The following SHC3 variants were observed in gnomAD, a reference collection of about 807,000 sequenced individuals.
SHC3 encodes SHC adaptor protein 3, also known as SHC-transforming protein 3.
A neutral mutation model predicts 60.4 loss-of-function variants in SHC3; 15 were observed. The ratio of observed to expected loss-of-function variants is 0.25; its 90% confidence interval spans 0.17 to 0.38. The LOEUF (loss-of-function observed/expected upper bound fraction) is 0.38, where lower values mean the gene tolerates loss of function less well. Among genes scored for constraint, SHC3 ranks in the 10% least tolerant of loss-of-function variants. The pLI is 1.00. For synonymous variants in SHC3, 294 were observed against 325.9 expected, an observed-to-expected ratio of 0.90 and a Z score of 1.05; for missense variants, 677 against 786.1, an observed-to-expected ratio of 0.86 and a Z score of 1.66.
chr9:89,081,209 G>A (rs957853238), intron 2 of SHC3, among the ~76,000 whole-genome samples: 3 of 152,156 alleles, frequency 2.0e-5, no homozygotes, highest in Non-Finnish European at 4.4e-5. Context: ...CAAAGTAATT[G>A]TCTTAATAAA....
rs1362699818 is a variant in SHC3, at chr9:89,010,627, T to A, written c.*2820A>T. On this transcript the variant is annotated 3_prime_UTR_variant, in exon 12 of 12. Transcript: ENST00000375835. ...CCAGGTGCACTCTGCAGGACCAGGG[T>A]GGCCCAGCACAGCAGCAGCGACTGT... 6.6e-6 allele frequency: 1 copy of A among 152,422 alleles called. No homozygotes were observed. Among genetic ancestry groups the A allele is most frequent in the East Asian group, 1.9e-4 (1 of 5,206 alleles). 9.4% of individuals were successfully genotyped at this position (152,422 alleles called of 1,614,324 possible). A position where few individuals can be genotyped will look rare whatever the true frequency, so the allele number is the denominator to read the frequency against.
At chr9:89,118,302 A>T (rs1826045702) in intron 1 of SHC3, among the ~76,000 whole-genome samples, 1 of 151,492 alleles carries the variant, frequency 6.6e-6, no homozygotes, top group Non-Finnish European at 1.5e-5. Flanking sequence ...GGCTCCAGAG[A>T]TACACAAAAC....
Position 89,178,147 on chromosome 9 carries a change from A to C in SHC3, c.314T>G (p.Leu105Arg). 8.3e-7 allele frequency: 1 copy of C among 1,202,502 alleles called. No homozygotes were observed. The highest frequency in any genetic ancestry group is 1.0e-6 in the Non-Finnish European group (1 of 969,810). The allele number at this position is 1,202,502 out of a possible 1,614,324, so 74.5% of individuals were successfully genotyped here. The change falls in exon 1 of 12, where the codon CTG becomes CGG. Residue 105 changes from leucine to arginine, a missense_variant. Transcript: ENST00000375835. The surrounding 1 kb of genome is among the most constrained non-coding windows in gnomAD (Gnocchi z 6.9). ...GGGCGCACTGCCGTCCGGGGCGGCC[A>C]GGCTGGGCGCGCTGCAGCTGCCCGA... ...RLSGSCSAPSLAAPDGSAPSA... is the reference protein window; with the variant it reads ...RLSGSCSAPSRAAPDGSAPSA...
At chr9:89,163,905 C>A (rs762951179) in intron 1 of SHC3, among the ~76,000 whole-genome samples, 1 of 151,784 alleles carries the variant, frequency 6.6e-6, no homozygotes, top group East Asian at 1.9e-4. Context: ...CTTCTTGCTG[C>A]ATTCTTACAT....
At chr9:89,145,244 C>A (rs1826451951) in intron 1 of SHC3, among the ~76,000 whole-genome samples, 1 of 152,196 alleles carries the variant, frequency 6.6e-6, no homozygotes. Context: ...TTCACAAACA[C>A]CATGCATACA....
At chr9:89,111,522 A>C (rs553706644) in intron 2 of SHC3, among the ~76,000 whole-genome samples, 214 of 152,180 alleles carry the variant, frequency 1.4e-3, no homozygotes, top group Middle Eastern at 0.01. Context: ...TCCTTCCTTC[A>C]GGTAGATTAC....
chr9:89,013,619 GC>G, intron 11 of SHC3, 44 bp from the exon 12 acceptor site: 2 of 1,584,652 alleles, frequency 1.3e-6, no homozygotes, highest in Non-Finnish European at 1.7e-6. Flanking sequence ...CTCACAGGCA[GC>G]AAAAAGAGAA....
At chr9:89,168,412 C>T (rs1171275396) in intron 1 of SHC3, among the ~76,000 whole-genome samples, 1 of 151,846 alleles carries the variant, frequency 6.6e-6, no homozygotes, top group Admixed American at 6.6e-5. Flanking sequence ...TGCTGTGAGC[C>T]GAGATTGCAC....
intron 1 of SHC3, among the ~76,000 whole-genome samples, chr9:89,150,555 C>T (rs1826531705): frequency 6.6e-6 from 1 of 152,180 alleles, no homozygotes; most frequent in Non-Finnish European, 1.5e-5. Context: ...CTTTTTATGG[C>T]TGAATACTAT....
intron 11 of SHC3, among the ~76,000 whole-genome samples, chr9:89,035,267 C>T (rs1824552669): frequency 6.6e-6 from 1 of 152,172 alleles, no homozygotes; most frequent in Non-Finnish European, 1.5e-5. Context: ...ACAAAAATGT[C>T]TGTTCTTCTT....
rs140703636 is a variant in SHC3 at position 89,038,938 on chromosome 9, C to G, written c.1361-650G>C. ...GCCTGAGACCATACTTGGTTTCATC[C>G]CCTTCAGAGCACACTTCTCAGTGCA... On this transcript the variant is annotated intron_variant, in intron 10 of 11. Transcript: ENST00000375835. 6.6e-4 allele frequency among the ~76,000 whole-genome samples: 100 copies of G among 152,312 alleles called. 1 individual carries two copies. In the East Asian group the frequency reaches 0.017, roughly 26 times the overall value.
At chr9:89,061,935 T>C (rs1651374870) in intron 6 of SHC3, among the ~76,000 whole-genome samples, 2 of 152,164 alleles carry the variant, frequency 1.3e-5, no homozygotes, top group Admixed American at 1.3e-4. Flanking sequence ...AGGCATCCAC[T>C]GGGGGACTTG....
chr9:89,134,272 G>C (rs1007194009), intron 1 of SHC3, among the ~76,000 whole-genome samples: 1 of 152,116 alleles, frequency 6.6e-6, no homozygotes, highest in Non-Finnish European at 1.5e-5. Flanking sequence ...TTCTTTTAAA[G>C]TGAGATAGAA....
At position 89,106,578 on chromosome 9, in the gene SHC3, C is replaced by T. The variant is rs571927084; in HGVS notation, c.545+5978G>A. Reference sequence around the variant, plus strand: ...GTCGGTGAGCAGACATCCTAGCTTCCCCAGTTCCTACGCACTTCCCCAAAG... The same window carrying T: ...GTCGGTGAGCAGACATCCTAGCTTCTCCAGTTCCTACGCACTTCCCCAAAG... On this transcript the variant is annotated intron_variant, in intron 2 of 11. Transcript: ENST00000375835. Among the ~76,000 whole-genome samples, 10 of 152,204 alleles carry T rather than the reference C, an allele frequency of 6.6e-5. No individual in the cohort carries two copies. The East Asian group carries it at 1.7e-3, about 27-fold the overall frequency.
chr9:89,095,979 G>A (rs1825695718), intron 2 of SHC3, among the ~76,000 whole-genome samples: 1 of 152,094 alleles, frequency 6.6e-6, no homozygotes, highest in Non-Finnish European at 1.5e-5. Context: ...AGCACTCCCT[G>A]TCCTCCGCAG....
chr9:89,170,997 A>C (rs1166367127), intron 1 of SHC3, among the ~76,000 whole-genome samples: 1 of 152,186 alleles, frequency 6.6e-6, no homozygotes, highest in East Asian at 1.9e-4. Flanking sequence ...CAAACCCCTC[A>C]TAATTCACTT....
At chr9:89,141,084 C>A (rs1826386659) in intron 1 of SHC3, among the ~76,000 whole-genome samples, 1 of 152,038 alleles carries the variant, frequency 6.6e-6, no homozygotes, top group South Asian at 2.1e-4. Context: ...AAATACAGGA[C>A]AGTTTTTGGA....
intron 1 of SHC3, among the ~76,000 whole-genome samples, chr9:89,145,540 A>C (rs1826456379): frequency 6.6e-6 from 1 of 152,246 alleles, no homozygotes; most frequent in African/African-American, 2.4e-5. Flanking sequence ...GTAAAAGAAA[A>C]TGTAAGAGAT....
In SHC3 at chr9:89,178,546, G is replaced by T; in HGVS notation, c.-86C>A. ...TGCCGCGCATAGCAGGCGAGCCACTGTCCCCGGAGCGGGACGGAGAGTGGG... is the reference window on the plus strand; with the variant it reads ...TGCCGCGCATAGCAGGCGAGCCACTTTCCCCGGAGCGGGACGGAGAGTGGG... On this transcript the variant is annotated 5_prime_UTR_variant, in exon 1 of 12. Coordinates refer to ENST00000375835, the MANE Select transcript of SHC3 (RefSeq NM_016848.6). The surrounding 1 kb of genome is among the most constrained non-coding windows in gnomAD (Gnocchi z 6.9). The T allele has an allele frequency of 7.6e-7, 1 of 1,313,798 alleles. No individual in the cohort carries two copies. The highest frequency in any genetic ancestry group is 1.0e-6 in the Non-Finnish European group (1 of 994,366). 81.4% of individuals were successfully genotyped at this position (1,313,798 alleles called of 1,614,324 possible).
Sources: allele counts gnomAD v4.1 joint callset (sites outside exome capture counted in the v4.1 genomes callset), GRCh38; gene constraint gnomAD v4.1.1; non-coding constraint Gnocchi (gnomAD v3.1); transcripts MANE v1.5; gene names NCBI Gene and HGNC (gene_info 2026-07-23, HGNC 2026-07-21).